SAMD5: variants seen among roughly 807,000 people sequenced by gnomAD.
SAMD5 encodes the protein sterile alpha motif domain-containing protein 5.
SAMD5 carries 13 observed loss-of-function variants against 11.3 expected under a neutral mutation model. The ratio of observed to expected loss-of-function variants is 1.15; its 90% confidence interval spans 0.75 to 1.83. The LOEUF (loss-of-function observed/expected upper bound fraction) is 1.83. SAMD5 is among the 40% of genes most tolerant of loss of function. The pLI is 0.00. For synonymous variants in SAMD5, 129 were observed against 111.3 expected, an observed-to-expected ratio of 1.16 and a Z score of -1.00; for missense variants, 255 against 239.1, an observed-to-expected ratio of 1.07 and a Z score of -0.44.
chr6:147,806,202 A>G, the SAMD5 span, among the ~76,000 whole-genome samples: 1 of 152,164 alleles, frequency 6.6e-6, no homozygotes. Flanking sequence ...TCCGTGGGAT[A>G]TGTTTTTGCT....
Position 147,565,880 on chromosome 6 carries a change from A to G in SAMD5, c.*1424A>G, listed in dbSNP as rs1789031919. ...GTACAACTGGCTCCTGAGGCTGTCAATTGTTTAGAGCTCCCAAGTAGTACT... is the reference window on the plus strand; with the variant it reads ...GTACAACTGGCTCCTGAGGCTGTCAGTTGTTTAGAGCTCCCAAGTAGTACT... On this transcript the variant is annotated 3_prime_UTR_variant, in exon 2 of 2. Transcript: ENST00000367474. 5 of 985,306 alleles carry G rather than the reference A, an allele frequency of 5.1e-6. No homozygotes were observed. Among genetic ancestry groups the G allele is most frequent in the East Asian group, 1.1e-4 (1 of 8,824 alleles). 61.0% of individuals were successfully genotyped at this position (985,306 alleles called of 1,614,324 possible).
At chr6:147,834,801 T>C in the SAMD5 span, among the ~76,000 whole-genome samples, 8 of 152,346 alleles carry the variant, frequency 5.3e-5, no homozygotes, top group East Asian at 1.3e-3. Context: ...CCTGAGATTA[T>C]GCCCTAAATG....
At chr6:147,938,850 T>G in the SAMD5 span, among the ~76,000 whole-genome samples, 1 of 152,166 alleles carries the variant, frequency 6.6e-6, no homozygotes, top group African/African-American at 2.4e-5. Context: ...GGGTTTTTTC[T>G]TCACACCAAC....
chr6:147,793,415 T>C, the SAMD5 span, among the ~76,000 whole-genome samples: 2 of 152,172 alleles, frequency 1.3e-5, no homozygotes, highest in Non-Finnish European at 2.9e-5. Flanking sequence ...CTAAGTATTA[T>C]GTTGTATTGG....
At chr6:147,615,551 T>C (rs1007421589) in intron 1 of SAMD5, among the ~76,000 whole-genome samples, 3 of 152,198 alleles carry the variant, frequency 2.0e-5, no homozygotes, top group Non-Finnish European at 4.4e-5. Context: ...AAAATTAAGA[T>C]ATTACTTATT....
intron 1 of SAMD5, among the ~76,000 whole-genome samples, chr6:147,693,172 C>T (rs1431228109): frequency 6.6e-6 from 1 of 152,246 alleles, no homozygotes; most frequent in Non-Finnish European, 1.5e-5. Context: ...ACTACACTGG[C>T]ACCTTTCCAT....
chr6:147,799,354 C>T, the SAMD5 span, among the ~76,000 whole-genome samples: 20,827 of 151,808 alleles, frequency 0.14, 1,566 homozygotes, highest in Middle Eastern at 0.17. Flanking sequence ...ATATGAAATT[C>T]TGGGTTGAAA....
intron 1 of SAMD5, among the ~76,000 whole-genome samples, chr6:147,638,612 T>C (rs1363815312): frequency 6.6e-6 from 1 of 152,186 alleles, no homozygotes; most frequent in African/African-American, 2.4e-5. Context: ...TATTTTGAGA[T>C]GTGTGGGCTC....
chr6:147,844,385 G>C, the SAMD5 span, among the ~76,000 whole-genome samples: 12 of 152,144 alleles, frequency 7.9e-5, no homozygotes, highest in Admixed American at 7.9e-4. Flanking sequence ...TTTGTGCACT[G>C]TTTAGTGGCA....
Position 147,567,679 on chromosome 6 carries a change from T to G in SAMD5, c.*3223T>G. The G allele has an allele frequency of 1.0e-6, 1 of 985,332 alleles. No homozygotes were observed. The highest frequency in any genetic ancestry group is 1.2e-6 in the Non-Finnish European group (1 of 829,820). 61.0% of individuals were successfully genotyped at this position (985,332 alleles called of 1,614,324 possible). Reference sequence around the variant, plus strand: ...CCTTCTTTACTCTCAGTTGTCTTATTTCTTCTTATGCAGAAGAGATTACCT... The same window carrying G: ...CCTTCTTTACTCTCAGTTGTCTTATGTCTTCTTATGCAGAAGAGATTACCT... On this transcript the variant is annotated 3_prime_UTR_variant, in exon 2 of 2. Transcript: ENST00000367474.
chr6:147,928,149 C>A, the SAMD5 span, among the ~76,000 whole-genome samples: 1 of 152,052 alleles, frequency 6.6e-6, no homozygotes, highest in Non-Finnish European at 1.5e-5. Flanking sequence ...GTGTCTCTGC[C>A]AGGTTTTTGA....
chr6:147,870,194 TG>T, the SAMD5 span, among the ~76,000 whole-genome samples: 620 of 152,102 alleles, frequency 4.1e-3, 3 homozygotes, highest in African/African-American at 0.014. Flanking sequence ...AGGTAATGAA[TG>T]GGATAGCAAG....
At chr6:147,620,190 CCA>C (rs927509159) in intron 1 of SAMD5, among the ~76,000 whole-genome samples, 1 of 152,126 alleles carries the variant, frequency 6.6e-6, no homozygotes, top group African/African-American at 2.4e-5. Context: ...CTTCCTCCAT[CCA>C]CCACCCACTC....
chr6:147,949,748 G>A, the SAMD5 span, among the ~76,000 whole-genome samples: 3 of 152,112 alleles, frequency 2.0e-5, no homozygotes, highest in Admixed American at 6.5e-5. Context: ...ATTGTACAAC[G>A]CTCATTTCTA....
chr6:147,532,836 G>A (rs1788450367), intron 1 of SAMD5, among the ~76,000 whole-genome samples: 1 of 152,152 alleles, frequency 6.6e-6, no homozygotes, highest in Admixed American at 6.5e-5. Flanking sequence ...TAGTTATAAT[G>A]AGGTTATGAA....
the SAMD5 span, among the ~76,000 whole-genome samples, chr6:147,812,083 T>C: frequency 6.6e-6 from 1 of 152,068 alleles, no homozygotes; most frequent in African/African-American, 2.4e-5. Context: ...CTCAGAAGCC[T>C]AGGACAGAGT....
At chr6:147,570,027 G>T (rs529882207), downstream of SAMD5, 1 of 984,174 alleles carries the variant, frequency 1.0e-6, no homozygotes, top group Admixed American at 6.2e-5. Context: ...CAGCGGTTCC[G>T]CCTTGGCCTC....
chr6:147,826,610 G>T, the SAMD5 span, among the ~76,000 whole-genome samples: 15 of 152,178 alleles, frequency 9.9e-5, no homozygotes, highest in Admixed American at 7.2e-4. Flanking sequence ...TTCTCATCTG[G>T]TGTCTAGTCT....
intron 1 of SAMD5, among the ~76,000 whole-genome samples, chr6:147,522,336 A>C (rs1788266938): frequency 6.6e-6 from 1 of 152,142 alleles, no homozygotes; most frequent in African/African-American, 2.4e-5. Flanking sequence ...CGTAGTTTTC[A>C]TGACTATATT....
Sources: allele counts gnomAD v4.1 joint callset (sites outside exome capture counted in the v4.1 genomes callset), GRCh38; gene constraint gnomAD v4.1.1; transcripts MANE v1.5; gene names NCBI Gene and HGNC (gene_info 2026-07-23, HGNC 2026-07-21).